The following BCO2 variants were observed in gnomAD, a reference collection of about 807,000 sequenced individuals.
BCO2 encodes the protein carotenoid-cleaving dioxygenase, mitochondrial.
In BCO2, 56 loss-of-function variants were observed where a neutral mutation model predicts 65.8. The ratio of observed to expected loss-of-function variants is 0.85; its 90% CI spans 0.69 to 1.06. The LOEUF is 1.06. Ranked by LOEUF, BCO2 falls within the 50% of genes least tolerant of loss-of-function variation. BCO2 has a pLI of 0.00. For synonymous variants in BCO2, 233 were observed against 242.3 expected, an observed-to-expected ratio of 0.96 and a Z score of 0.36; for missense variants, 675 against 698.5, an observed-to-expected ratio of 0.97 and a Z score of 0.38.
At chr11:112,179,906 A>G (rs1319303862) in intron 2 of BCO2, 8 of 188,010 alleles carry the variant, frequency 4.3e-5, no homozygotes, top group East Asian at 4.1e-4. Context: ...TCTCTCACCT[A>G]TGTTCCCTAA....
intron 5 of BCO2, among the ~76,000 whole-genome samples, chr11:112,196,858 TTCC>T (rs1206912977): frequency 1.3e-4 from 19 of 150,708 alleles, no homozygotes; most frequent in East Asian, 3.9e-4. Context: ...TCTCCTTCCT[TTCC>T]TCCTCCTCCT....
intron 5 of BCO2, among the ~76,000 whole-genome samples, chr11:112,196,668 C>T (rs998541236): frequency 2.6e-5 from 4 of 152,110 alleles, no homozygotes; most frequent in Admixed American, 6.5e-5. Flanking sequence ...ATATCTATAT[C>T]CCCAACCTAG....
chr11:112,179,444 T>G lies in BCO2; in HGVS notation c.255T>G (p.Leu85=). 7.4e-6 allele frequency: 12 copies of G among 1,614,140 alleles called. No individual in the cohort carries two copies. The highest frequency in any genetic ancestry group is 1.0e-5 in the Non-Finnish European group (12 of 1,180,036). The change falls in exon 2 of 12, where the codon CTT becomes CTG. Residue 85 remains leucine (L), a synonymous_variant. Transcript: ENST00000357685. ...CTAAGTGGCTCAATGGCTCTCTACT[T>G]CGAATTGGACCTGGGAAATTCGAGT... ...HFPKWLNGSL[L]RIGPGKFEFG...
intron 2 of BCO2, chr11:112,181,520 C>A: frequency 5.4e-6 from 4 of 734,398 alleles, no homozygotes; most frequent in Non-Finnish European, 1.0e-5. Context: ...TACTTTGAAC[C>A]CATTTTGAAC....
intron 8 of BCO2, among the ~76,000 whole-genome samples, chr11:112,208,420 C>T (rs1428951892): frequency 2.1e-5 from 3 of 143,014 alleles, no homozygotes; most frequent in African/African-American, 2.6e-5. Context: ...TGTATATTGG[C>T]TTTTTTTTTT....
In BCO2 at chr11:112,213,131, CTTTTTTTTTTTTTTT is replaced by C. The variant is rs35527541; in HGVS notation, c.1195-578_1195-564del. On this transcript the variant is annotated intron_variant, in intron 8 of 11. Coordinates refer to ENST00000357685, the MANE Select transcript of BCO2 (RefSeq NM_031938.7). ...TGTTTATTTGATGCTAATTAAATAA[CTTTTTTTTTTTTTTT>C]TTTTTTTTTTTTTTGTGACGGAGTT... is the stretch of plus-strand genomic sequence containing the variant. Among the ~76,000 whole-genome samples the C allele has an allele frequency of 1.1e-4, 7 of 63,114 alleles. No homozygotes were observed. In the East Asian group the frequency reaches 4.4e-3, roughly 39 times the overall value. The allele number at this position is 63,114 out of a possible 152,430, so 41.4% of individuals were successfully genotyped here. A position where few individuals can be genotyped will look rare whatever the true frequency, so the allele number is the denominator to read the frequency against.
intron 2 of BCO2, among the ~76,000 whole-genome samples, chr11:112,188,690 C>T (rs551900277): frequency 6.6e-6 from 1 of 152,206 alleles, no homozygotes; most frequent in South Asian, 2.1e-4. Context: ...CAAATGTCTC[C>T]TTCCCTCTTG....
rs764114788 is a variant in BCO2 at position 112,194,620 on chromosome 11, C to T, written c.634-33C>T. On this transcript the variant is annotated intron_variant, in intron 4 of 11. Coordinates refer to ENST00000357685, the MANE Select transcript of BCO2 (RefSeq NM_031938.7). ...TTATGCATGTGAATAGAGATCTGCC[C>T]ATTAAAAATCTCCAGTGGTCTCAAA... 8.0e-6 allele frequency: 10 copies of T among 1,254,008 alleles called. No individual in the cohort carries two copies. In the East Asian group the frequency reaches 2.3e-4, roughly 29 times the overall value. The allele number at this position is 1,254,008 out of a possible 1,614,324, so 77.7% of individuals were successfully genotyped here. A position where few individuals can be genotyped will look rare whatever the true frequency, so the allele number is the denominator to read the frequency against.
chr11:112,180,791 T>C, intron 2 of BCO2: 1 of 998,138 alleles, frequency 1.0e-6, no homozygotes, highest in Non-Finnish European at 1.6e-6. Context: ...GATGACCCTG[T>C]TCCTGAACGG....
rs532067104 is a variant in BCO2, at chr11:112,199,696, C to T, written c.737-3C>T. The stretch of plus-strand genomic sequence containing the variant: ...AGGTAAGATAGGACTTTTCATTTTT[C>T]AGGTTTCTCCTATAAGGTTATTCGG... On this transcript the variant is annotated splice_region_variant and splice_polypyrimidine_tract_variant and intron_variant, in intron 5 of 11. Coordinates refer to ENST00000357685, the MANE Select transcript of BCO2 (RefSeq NM_031938.7). 201 of 1,611,858 alleles carry T rather than the reference C, an allele frequency of 1.2e-4. 3 individuals carry two copies. The South Asian group carries it at 2.1e-3, about 17-fold the overall frequency.
intron 2 of BCO2, among the ~76,000 whole-genome samples, chr11:112,188,759 T>TTC (rs1485157127): frequency 6.6e-6 from 1 of 151,326 alleles, no homozygotes; most frequent in Non-Finnish European, 1.5e-5. Flanking sequence ...ATAAATAGCT[T>TTC]TTTTTTTTTT....
Position 112,192,460 on chromosome 11 carries a change from C to T in BCO2, c.294-1014C>T, listed in dbSNP as rs189346867. On this transcript the variant is annotated intron_variant, in intron 2 of 11. Transcript: ENST00000357685. ...TAAAAAGCGAAGCCACAAACTTTTC[C>T]TTACAGTTTTCAATGTTTAACTATT... Among the ~76,000 whole-genome samples the T allele has an allele frequency of 1.1e-3, 174 of 152,114 alleles. 1 individual carries two copies. The highest frequency in any genetic ancestry group is 4.0e-3 in the African/African-American group (165 of 41,504).
At chr11:112,214,489 C>T (rs1859600265) in intron 9 of BCO2, among the ~76,000 whole-genome samples, 1 of 152,254 alleles carries the variant, frequency 6.6e-6, no homozygotes, top group African/African-American at 2.4e-5. Context: ...TAGCACAGAC[C>T]TATCATTGTG....
chr11:112,176,581 T>C (rs981608474), intron 1 of BCO2: 5 of 145,866 alleles, frequency 3.4e-5, no homozygotes, highest in Non-Finnish European at 7.4e-5. Context: ...AAGTAATTGA[T>C]GAAATTAAGA....
At chr11:112,211,822 C>T (rs1295351787) in intron 8 of BCO2, among the ~76,000 whole-genome samples, 2 of 152,134 alleles carry the variant, frequency 1.3e-5, no homozygotes, top group Admixed American at 6.6e-5. Context: ...CTTTGTTCTT[C>T]ACTGTCTTTT....
intron 2 of BCO2, chr11:112,183,230 A>T: frequency 1.3e-6 from 1 of 773,776 alleles, no homozygotes; most frequent in Non-Finnish European, 2.4e-6. Context: ...CAAGATGAAA[A>T]TATTTTCCTT....
chr11:112,203,834 A>G (rs948390156), intron 8 of BCO2, among the ~76,000 whole-genome samples: 8 of 151,924 alleles, frequency 5.3e-5, no homozygotes, highest in African/African-American at 1.9e-4. Context: ...CCACATAAAA[A>G]TGAGATCATG....
chr11:112,182,740 T>C, intron 2 of BCO2: 2 of 540,468 alleles, frequency 3.7e-6, no homozygotes, highest in Non-Finnish European at 6.5e-6. Context: ...AATTAGGAGA[T>C]ATACCTAATG....
chr11:112,196,173 TC>T (rs1867567785), intron 5 of BCO2, among the ~76,000 whole-genome samples: 2 of 152,190 alleles, frequency 1.3e-5, no homozygotes, highest in African/African-American at 4.8e-5. Flanking sequence ...GTGTTTAAAT[TC>T]CGTGAATTGA....
Sources: allele counts gnomAD v4.1 joint callset (sites outside exome capture counted in the v4.1 genomes callset), GRCh38; gene constraint gnomAD v4.1.1; transcripts MANE v1.5; gene names NCBI Gene and HGNC (gene_info 2026-07-23, HGNC 2026-07-21).